PDE11A: variants seen among roughly 807,000 people sequenced by gnomAD.
PDE11A encodes the protein dual 3',5'-cyclic-AMP and -GMP phosphodiesterase 11A.
PDE11A carries 100 observed loss-of-function variants against 100.5 expected under a neutral mutation model. The observed-to-expected ratio is 1.00, with a 90% CI of 0.85 to 1.18. The LOEUF (loss-of-function observed/expected upper bound fraction) is 1.18. Among genes scored for constraint, PDE11A ranks in the 50% most tolerant of loss-of-function variants. PDE11A has a pLI of 0.00. For missense variants in PDE11A, 1,141 were observed against 1,152.6 expected, an observed-to-expected ratio of 0.99 and a Z score of 0.15; for synonymous variants, 381 against 420.8, an observed-to-expected ratio of 0.91 and a Z score of 1.16.
intron 4 of PDE11A, among the ~76,000 whole-genome samples, chr2:177,896,074 G>A (rs932610734): frequency 1.3e-5 from 2 of 152,156 alleles, no homozygotes; most frequent in Non-Finnish European, 1.5e-5. Context: ...GAGTGGTTCA[G>A]AATTTTCTGC....
chr2:177,775,190 C>T (rs1421177255), intron 9 of PDE11A, among the ~76,000 whole-genome samples: 1 of 152,172 alleles, frequency 6.6e-6, no homozygotes, highest in South Asian at 2.1e-4. Flanking sequence ...TTTCAGACAT[C>T]TGACCTGAGG....
chr2:177,994,654 C>T (rs1193627712), intron 2 of PDE11A, among the ~76,000 whole-genome samples: 1 of 152,128 alleles, frequency 6.6e-6, no homozygotes, highest in Non-Finnish European at 1.5e-5. Context: ...TTACTTGACC[C>T]AATGATCTGT....
At chr2:177,763,354 C>T (rs74442582) in intron 10 of PDE11A, among the ~76,000 whole-genome samples, 2,152 of 152,296 alleles carry the variant, frequency 0.014, 41 homozygotes, top group East Asian at 0.046. Flanking sequence ...CGAATTCCTT[C>T]TATATAGCTT....
intron 2 of PDE11A, among the ~76,000 whole-genome samples, chr2:177,968,677 C>T (rs1219023362): frequency 5.9e-5 from 9 of 152,088 alleles, no homozygotes; most frequent in African/African-American, 1.9e-4. Context: ...TGAAAAAAAG[C>T]TAACCATTAC....
intron 9 of PDE11A, among the ~76,000 whole-genome samples, chr2:177,794,127 A>C (rs2082672206): frequency 6.6e-6 from 1 of 152,082 alleles, no homozygotes; most frequent in Non-Finnish European, 1.5e-5. Flanking sequence ...TATGGAGAAA[A>C]ACAAAGCAGG....
At chr2:177,852,803 T>C (rs936576252) in intron 5 of PDE11A, among the ~76,000 whole-genome samples, 7 of 152,206 alleles carry the variant, frequency 4.6e-5, no homozygotes, top group African/African-American at 1.7e-4. Context: ...GAAGATTCTC[T>C]AAGTTGCAGG....
chr2:177,839,823 T>C (rs374456878), intron 6 of PDE11A, among the ~76,000 whole-genome samples: 19 of 152,338 alleles, frequency 1.2e-4, no homozygotes, highest in South Asian at 4.1e-4. Context: ...TACCTTAGAA[T>C]GTAAACTTCA....
chr2:177,852,790 A>G (rs16865846), intron 5 of PDE11A, among the ~76,000 whole-genome samples: 4,518 of 152,276 alleles, frequency 0.03, 113 homozygotes, highest in East Asian at 0.075. Context: ...TGTGGTAGGA[A>G]AAGAAGATTC....
intron 4 of PDE11A, among the ~76,000 whole-genome samples, chr2:177,884,716 A>C (rs2084399082): frequency 6.6e-6 from 1 of 152,236 alleles, no homozygotes; most frequent in Admixed American, 6.5e-5. Context: ...GTTTAAAAAG[A>C]AGCAGTAATT....
chr2:177,826,349 T>C (rs1011622852), intron 6 of PDE11A, among the ~76,000 whole-genome samples: 2 of 152,248 alleles, frequency 1.3e-5, no homozygotes, highest in Admixed American at 6.5e-5. Context: ...ATACTATTTA[T>C]TAATGTTCAG....
At chr2:177,890,748 G>T (rs2084517220) in intron 4 of PDE11A, among the ~76,000 whole-genome samples, 1 of 152,134 alleles carries the variant, frequency 6.6e-6, no homozygotes, top group Non-Finnish European at 1.5e-5. Flanking sequence ...TCCATGAGAT[G>T]ATAAACTCAT....
intron 2 of PDE11A, among the ~76,000 whole-genome samples, chr2:177,952,497 T>G (rs2085516642): frequency 6.6e-6 from 1 of 152,208 alleles, no homozygotes; most frequent in African/African-American, 2.4e-5. Flanking sequence ...CATCCTATAG[T>G]AACTCCCCCT....
intron 9 of PDE11A, among the ~76,000 whole-genome samples, chr2:177,773,323 AT>A (rs907495318): frequency 2.0e-5 from 3 of 152,108 alleles, no homozygotes; most frequent in African/African-American, 4.8e-5. Flanking sequence ...CCTTTCTAAA[AT>A]TTTTTTACTG....
intron 1 of PDE11A, among the ~76,000 whole-genome samples, chr2:178,057,529 C>T (rs2086913082): frequency 6.6e-6 from 1 of 152,180 alleles, no homozygotes; most frequent in South Asian, 2.1e-4. Flanking sequence ...AATCACTCTG[C>T]CTTGCCCAAA....
intron 10 of PDE11A, among the ~76,000 whole-genome samples, chr2:177,737,840 T>G (rs750506585): frequency 2.0e-4 from 30 of 152,212 alleles, no homozygotes; most frequent in Non-Finnish European, 3.4e-4. Flanking sequence ...TGTTTACTGT[T>G]GTGTCCTAAA....
At chr2:177,795,963 A>ATATC (rs2082701755) in intron 9 of PDE11A, among the ~76,000 whole-genome samples, 1 of 122,252 alleles carries the variant, frequency 8.2e-6, no homozygotes. Context: ...ATATATATAT[A>ATATC]TATATATATA....
At chr2:177,853,676 ATATATGTGTGTGTG>A (rs1357752148) in intron 5 of PDE11A, among the ~76,000 whole-genome samples, 6 of 36,216 alleles carry the variant, frequency 1.7e-4, no homozygotes, top group African/African-American at 5.7e-4. Context: ...ATATATATAT[ATATATGTGTGTGTG>A]TGTGTGTGTG....
chr2:178,085,826 A>G (rs977183900), intron 2 of PDE11A, among the ~76,000 whole-genome samples: 3 of 152,230 alleles, frequency 2.0e-5, no homozygotes, highest in Admixed American at 2.0e-4. Flanking sequence ...GTACCGGGGC[A>G]AAGAAATGGC....
Position 178,072,278 on chromosome 2 carries a change from A to G in PDE11A, c.160T>C (p.Ser54Pro), listed in dbSNP as rs763091556. The change falls in exon 1 of 20, where the codon TCT becomes CCT. Residue 54 changes from serine (S) to proline (P), a missense_variant. Ser to Pro is a moderately conservative substitution (Grantham distance 74, BLOSUM62 -1). Coordinates refer to ENST00000286063, the MANE Select transcript of PDE11A (RefSeq NM_016953.4). ...QGQGALGPRPSLAGTSSLAHS... is the reference protein window; with the variant it reads ...QGQGALGPRPPLAGTSSLAHS... Reference sequence around the variant, plus strand: ...GCCAAGCTGCTGGTACCAGCCAAAGAGGGCCTTGGACCTAAAGCCCCCTGA... The same window carrying G: ...GCCAAGCTGCTGGTACCAGCCAAAGGGGGCCTTGGACCTAAAGCCCCCTGA... The G allele has an allele frequency of 6.2e-7, 1 of 1,613,788 alleles. No individual in the cohort carries two copies. Among genetic ancestry groups the G allele is most frequent in the Admixed American group, 1.7e-5 (1 of 60,004 alleles).
Sources: allele counts gnomAD v4.1 joint callset (sites outside exome capture counted in the v4.1 genomes callset), GRCh38; gene constraint gnomAD v4.1.1; transcripts MANE v1.5; gene names NCBI Gene and HGNC (gene_info 2026-07-23, HGNC 2026-07-21).